ADGRB3: variants seen among roughly 807,000 people sequenced by gnomAD.
The protein encoded by ADGRB3 is adhesion G protein-coupled receptor B3, also known as brain-specific angiogenesis inhibitor 3.
In ADGRB3, 37 loss-of-function variants were observed where a neutral mutation model predicts 193.4. That is an observed-to-expected ratio of 0.19 (90% confidence interval 0.15 to 0.25). The LOEUF is 0.25. Among genes scored for constraint, ADGRB3 ranks in the 10% least tolerant of loss-of-function variants. The pLI, the probability that ADGRB3 is intolerant of heterozygous loss-of-function variation, is 1.00. For missense variants in ADGRB3, 1,637 were observed against 1,852.9 expected (o/e 0.88, Z 2.14); for synonymous variants, 690 against 644.2 (o/e 1.07, Z -1.08).
intron 20 of ADGRB3, among the ~76,000 whole-genome samples, chr6:69,291,321 C>T (rs755411533): frequency 4.6e-5 from 7 of 151,888 alleles, no homozygotes; most frequent in Non-Finnish European, 8.8e-5. Flanking sequence ...AGTATATAAA[C>T]GCATGAATTA....
At chr6:69,273,532 G>A (rs1767226862) in intron 20 of ADGRB3, among the ~76,000 whole-genome samples, 1 of 152,198 alleles carries the variant, frequency 6.6e-6, no homozygotes, top group South Asian at 2.1e-4. Flanking sequence ...AGGACTGGGT[G>A]TGAAAGGATA....
intron 17 of ADGRB3, among the ~76,000 whole-genome samples, chr6:69,109,180 A>ATTTG (rs56182350): frequency 0.2 from 30,094 of 152,082 alleles, 3,231 homozygotes; most frequent in Middle Eastern, 0.33. Context: ...AAAATTAAGA[A>ATTTG]TTTGATGACA....
chr6:68,948,576 G>GA, intron 6 of ADGRB3, among the ~76,000 whole-genome samples: 1 of 152,162 alleles, frequency 6.6e-6, no homozygotes, highest in Admixed American at 6.6e-5. Flanking sequence ...TTAAAAGCCT[G>GA]AAGTTTTATG....
At chr6:68,883,792 G>A (rs975814536) in intron 3 of ADGRB3, among the ~76,000 whole-genome samples, 1 of 152,102 alleles carries the variant, frequency 6.6e-6, no homozygotes, top group East Asian at 1.9e-4. Context: ...CACCGCCAGG[G>A]TCTGCGGCTT....
At chr6:68,809,575 T>A (rs1326613550) in intron 3 of ADGRB3, among the ~76,000 whole-genome samples, 2 of 152,206 alleles carry the variant, frequency 1.3e-5, no homozygotes, top group African/African-American at 4.8e-5. Flanking sequence ...AACATGTTTC[T>A]CTACTTACAT....
At chr6:69,362,499 AT>A (rs1344338527) in intron 29 of ADGRB3, among the ~76,000 whole-genome samples, 1 of 151,964 alleles carries the variant, frequency 6.6e-6, no homozygotes, top group East Asian at 1.9e-4. Context: ...ATGAAGAGGC[AT>A]TCTGAGAGTC....
At chr6:69,019,218 T>G (rs1042882360) in intron 13 of ADGRB3, among the ~76,000 whole-genome samples, 1 of 152,038 alleles carries the variant, frequency 6.6e-6, no homozygotes, top group Non-Finnish European at 1.5e-5. Flanking sequence ...CTTTAAAGCT[T>G]CTTCTGATAA....
chr6:68,723,981 A>G (rs1765629434), intron 3 of ADGRB3, among the ~76,000 whole-genome samples: 1 of 151,688 alleles, frequency 6.6e-6, no homozygotes, highest in South Asian at 2.1e-4. Context: ...TTCCACATCA[A>G]AGAAATATAC....
At chr6:69,218,970 A>G (rs1180725343) in intron 17 of ADGRB3, among the ~76,000 whole-genome samples, 3 of 152,118 alleles carry the variant, frequency 2.0e-5, no homozygotes, top group Admixed American at 6.5e-5. Context: ...CTGCTCCACA[A>G]TGTAGTTACT....
chr6:68,916,212 G>T (rs1334134593), intron 3 of ADGRB3, among the ~76,000 whole-genome samples: 4 of 151,882 alleles, frequency 2.6e-5, no homozygotes, highest in African/African-American at 7.3e-5. Context: ...AGAAAAACAG[G>T]ACTACTAAAA....
intron 13 of ADGRB3, among the ~76,000 whole-genome samples, chr6:69,038,908 T>C (rs1242470214): frequency 6.6e-6 from 1 of 152,182 alleles, no homozygotes; most frequent in African/African-American, 2.4e-5. Flanking sequence ...TCTGAAAATA[T>C]TAAATGAAAA....
chr6:68,638,405 C>A (rs1768004120), intron 2 of ADGRB3, among the ~76,000 whole-genome samples: 1 of 152,190 alleles, frequency 6.6e-6, no homozygotes, highest in Non-Finnish European at 1.5e-5. Flanking sequence ...TAGGGCATTC[C>A]TATTAATAAT....
chr6:69,329,363 G>T lies in ADGRB3; in HGVS notation c.3036-1143G>T, dbSNP rs1280050093. The stretch of plus-strand genomic sequence containing the variant: ...GGAGCAATAACTAAATGCAGGCTTT[G>T]AATATACATACACATATTTGGGTAT... On this transcript the variant is annotated intron_variant, in intron 22 of 31. Coordinates refer to ENST00000370598, the MANE Select transcript of ADGRB3 (RefSeq NM_001704.3). Among the ~76,000 whole-genome samples the T allele has an allele frequency of 3.9e-5, 6 of 152,196 alleles. No homozygotes were observed. In the South Asian group the frequency reaches 1.2e-3, roughly 32 times the overall value.
At chr6:68,908,299 A>G (rs1340846870) in intron 3 of ADGRB3, among the ~76,000 whole-genome samples, 1 of 152,024 alleles carries the variant, frequency 6.6e-6, no homozygotes, top group Non-Finnish European at 1.5e-5. Flanking sequence ...ATGGTTTGAT[A>G]TTTAAGGGTC....
At chr6:69,358,934 TA>T (rs142222155) in intron 28 of ADGRB3, among the ~76,000 whole-genome samples, 5,599 of 151,590 alleles carry the variant, frequency 0.037, 169 homozygotes, top group Admixed American at 0.094. Flanking sequence ...TATATATATA[TA>T]TTTTTTTTCA....
At chr6:68,872,720 G>A (rs1002349681) in intron 3 of ADGRB3, among the ~76,000 whole-genome samples, 4 of 152,068 alleles carry the variant, frequency 2.6e-5, no homozygotes, top group Admixed American at 2.6e-4. Context: ...TGTAGTACAA[G>A]CTTGTTTTAC....
chr6:68,805,200 C>T (rs1479103191), intron 3 of ADGRB3, among the ~76,000 whole-genome samples: 1 of 152,136 alleles, frequency 6.6e-6, no homozygotes, highest in African/African-American at 2.4e-5. Flanking sequence ...TTTGGCCTCC[C>T]AAATTATTGG....
intron 3 of ADGRB3, among the ~76,000 whole-genome samples, chr6:68,738,943 G>T (rs1765925631): frequency 6.6e-6 from 1 of 152,134 alleles, no homozygotes; most frequent in African/African-American, 2.4e-5. Flanking sequence ...ACAGATTGGG[G>T]ACATGAAGAG....
chr6:69,069,580 A>AAAAAAAAAAAAAAAAAAT (rs1772014628), intron 16 of ADGRB3, among the ~76,000 whole-genome samples: 2 of 141,012 alleles, frequency 1.4e-5, no homozygotes, highest in Non-Finnish European at 3.1e-5. Context: ...AAAAAAAAAA[A>AAAAAAAAAAAAAAAAAAT]ATTATCCGGA....
Sources: allele counts gnomAD v4.1 joint callset (sites outside exome capture counted in the v4.1 genomes callset), GRCh38; gene constraint gnomAD v4.1.1; transcripts MANE v1.5; gene names NCBI Gene and HGNC (gene_info 2026-07-23, HGNC 2026-07-21).